The following SATB2 variants were observed in gnomAD, a reference collection of about 807,000 sequenced individuals.
SATB2 encodes SATB homeobox 2, also known as DNA-binding protein SATB2.
Under a neutral mutation model 73.4 loss-of-function variants are expected in SATB2, and 1 was observed. The observed-to-expected ratio is 0.01, with a 90% CI of 0.00 to 0.06. SATB2 has a LOEUF of 0.06. SATB2 is among the 10% of genes least tolerant of loss of function. The pLI, the probability that SATB2 is intolerant of heterozygous loss-of-function variation, is 1.00. For synonymous variants in SATB2, 397 were observed against 367.0 expected (o/e 1.08, Z -0.93); for missense variants, 459 against 945.8 (o/e 0.49, Z 6.75).
At chr2:199,375,525 C>T (rs1024142611) in intron 5 of SATB2, among the ~76,000 whole-genome samples, 1 of 152,198 alleles carries the variant, frequency 6.6e-6, no homozygotes, top group Non-Finnish European at 1.5e-5. Context: ...CTTCTCCATA[C>T]CTTTCTTCCA....
intron 7 of SATB2, among the ~76,000 whole-genome samples, chr2:199,334,503 C>T (rs979808482): frequency 2.0e-5 from 3 of 152,094 alleles, no homozygotes; most frequent in African/African-American, 7.2e-5. Flanking sequence ...AGCCTTGGCA[C>T]TCATATGGGC....
chr2:199,463,631 A>C lies in SATB2; in HGVS notation c.-141+1205T>G, dbSNP rs1179795387. Among the ~76,000 whole-genome samples, 1 of 151,900 alleles carries C rather than the reference A, an allele frequency of 6.6e-6. No homozygotes were observed. Among genetic ancestry groups the C allele is most frequent in the East Asian group, 1.9e-4 (1 of 5,140 alleles). On this transcript the variant is annotated intron_variant, in intron 1 of 11. Coordinates refer to the SATB2 transcript ENST00000260926. The surrounding 1 kb of genome is among the most constrained non-coding windows in gnomAD (Gnocchi z 6.4). Reference sequence around the variant, plus strand: ...CTCTGCCGGTCGCGTCCCGGAGCCAACCCTTCCGCGTCGCCTGCAGTCCAC... The same window carrying C: ...CTCTGCCGGTCGCGTCCCGGAGCCACCCCTTCCGCGTCGCCTGCAGTCCAC...
chr2:199,272,177 A>AC lies in SATB2; in HGVS notation c.*33dup, dbSNP rs1692176647. The AC allele has an allele frequency of 1.9e-6, 3 of 1,578,562 alleles. No homozygotes were observed. Among genetic ancestry groups the AC allele is most frequent in the Non-Finnish European group, 2.6e-6 (3 of 1,148,722 alleles). On this transcript the variant is annotated 3_prime_UTR_variant, in exon 11 of 11. Coordinates refer to ENST00000417098, the MANE Select transcript of SATB2 (RefSeq NM_001172509.2). The surrounding 1 kb of genome is among the most constrained non-coding windows in gnomAD (Gnocchi z 6.7). ...AGAAATGAAAGCAGAAAATCCTTGGACCGATGTATTGCTTTGCCTAGTAGA... is the reference window on the plus strand; with the variant it reads ...AGAAATGAAAGCAGAAAATCCTTGGACCCGATGTATTGCTTTGCCTAGTAGA...
intron 2 of SATB2, among the ~76,000 whole-genome samples, chr2:199,454,859 T>C (rs1439266968): frequency 6.6e-6 from 1 of 152,214 alleles, no homozygotes; most frequent in Non-Finnish European, 1.5e-5. Flanking sequence ...GAGCTTATCA[T>C]TAAGGTTTGC....
In SATB2 at chr2:199,386,704, GCGCGCGCGCGCGCACACACACACA is replaced by G. The variant is rs1462994193; in HGVS notation, c.347-4908_347-4885del. ...TTCATACACGTGCGCAAGCGCGCGC[GCGCGCGCGCGCGCACACACACACA>G]CACACACACACACACACACACACAC... On this transcript the variant is annotated intron_variant, in intron 3 of 10. Transcript: ENST00000417098. Among the ~76,000 whole-genome samples the G allele has an allele frequency of 3.0e-4, 18 of 60,782 alleles. 1 individual carries two copies. The East Asian group carries it at 3.5e-3, about 12-fold the overall frequency. The allele number at this position is 60,782 out of a possible 152,430, so 39.9% of individuals were successfully genotyped here.
chr2:199,458,884 G>A (rs540927436), upstream of SATB2: 2 of 305,092 alleles, frequency 6.6e-6, no homozygotes, highest in African/African-American at 2.4e-5. Flanking sequence ...CGCGCGCAGG[G>A]AAGGCCGCTT....
chr2:199,320,649 A>C (rs1159020319), intron 9 of SATB2, among the ~76,000 whole-genome samples: 2 of 152,088 alleles, frequency 1.3e-5, no homozygotes, highest in Non-Finnish European at 2.9e-5. Context: ...GGATTTTCAC[A>C]ATGAACCAGT....
Position 199,358,860 on chromosome 2 carries a change from G to A in SATB2, c.701-9687C>T, listed in dbSNP as rs567148924. Among the ~76,000 whole-genome samples the A allele has an allele frequency of 1.1e-4, 17 of 152,134 alleles. No homozygotes were observed. The South Asian group carries it at 3.5e-3, about 32-fold the overall frequency. On this transcript the variant is annotated intron_variant, in intron 6 of 10. Transcript: ENST00000417098. The stretch of plus-strand genomic sequence containing the variant: ...AAGTGAGCATTATCTACCTTTCTTA[G>A]TCTCCACCCTCTGTACCAGAACACT...
chr2:199,443,388 A>G (rs1213901944), intron 2 of SATB2, among the ~76,000 whole-genome samples: 2 of 152,164 alleles, frequency 1.3e-5, no homozygotes, highest in African/African-American at 4.8e-5. Context: ...TCTAGTGGGA[A>G]TATTTCATAG....
chr2:199,387,196 C>T (rs1689988179), intron 3 of SATB2, among the ~76,000 whole-genome samples: 1 of 152,062 alleles, frequency 6.6e-6, no homozygotes, highest in African/African-American at 2.4e-5. Flanking sequence ...AAAACCTAGG[C>T]TTCATTTTGC....
At chr2:199,286,094 A>G (rs913414028) in intron 10 of SATB2, among the ~76,000 whole-genome samples, 8 of 151,054 alleles carry the variant, frequency 5.3e-5, no homozygotes, top group African/African-American at 1.9e-4. Context: ...TTTGGTTATA[A>G]ATTGAGAACA....
At chr2:199,322,792 TCTTG>T (rs1438015701) in intron 9 of SATB2, among the ~76,000 whole-genome samples, 10 of 152,298 alleles carry the variant, frequency 6.6e-5, no homozygotes, top group Admixed American at 2.0e-4. Flanking sequence ...TTGAAAACCT[TCTTG>T]CTTAATAGAA....
At chr2:199,456,846 C>A (rs1692292366) in intron 1 of SATB2, among the ~76,000 whole-genome samples, 1 of 151,778 alleles carries the variant, frequency 6.6e-6, no homozygotes, top group South Asian at 2.1e-4. Context: ...CATTTGAATT[C>A]TTAGTGCAAG....
chr2:199,302,148 T>TA (rs1381274590), intron 10 of SATB2, among the ~76,000 whole-genome samples: 1 of 152,206 alleles, frequency 6.6e-6, no homozygotes, highest in Non-Finnish European at 1.5e-5. Context: ...TACAGTGTCT[T>TA]AGAGTTTTTA....
chr2:199,433,008 A>G (rs992110912), intron 3 of SATB2, among the ~76,000 whole-genome samples: 12 of 152,222 alleles, frequency 7.9e-5, no homozygotes, highest in African/African-American at 2.9e-4. Context: ...TGAATGCTTT[A>G]TAAGTCATGT....
intron 3 of SATB2, among the ~76,000 whole-genome samples, chr2:199,428,991 T>A (rs564199383): frequency 4.8e-4 from 57 of 119,924 alleles, no homozygotes; most frequent in African/African-American, 1.6e-3. Context: ...GGGATACACA[T>A]CAAGACTCTG....
chr2:199,374,355 C>G (rs1322105151), intron 5 of SATB2, among the ~76,000 whole-genome samples: 1 of 152,104 alleles, frequency 6.6e-6, no homozygotes, highest in African/African-American at 2.4e-5. Context: ...GTAGAATAGG[C>G]AAATTCACAG....
At chr2:199,276,819 A>AC (rs1189750973) in intron 10 of SATB2, among the ~76,000 whole-genome samples, 2 of 152,192 alleles carry the variant, frequency 1.3e-5, no homozygotes, top group African/African-American at 4.8e-5. Flanking sequence ...GTACCTACTA[A>AC]CGCCATGCAT....
chr2:199,393,515 C>A (rs1404308634), intron 3 of SATB2, among the ~76,000 whole-genome samples: 1 of 152,048 alleles, frequency 6.6e-6, no homozygotes, highest in Admixed American at 6.5e-5. Context: ...AACCCTCAAC[C>A]AAATCTTGTG....
Sources: gnomAD v4.1 joint callset for allele counts (sites outside exome capture counted in the v4.1 genomes callset) on GRCh38, gnomAD v4.1.1 for gene constraint, Gnocchi (gnomAD v3.1) non-coding constraint, MANE v1.5 for transcripts, NCBI Gene and HGNC (gene_info 2026-07-23, HGNC 2026-07-21) for gene names.